Variants in TTC39B observed in about 807,000 individuals in gnomAD.
The protein encoded by TTC39B is tetratricopeptide repeat domain 39B, also known as tetratricopeptide repeat protein 39B.
TTC39B carries 92 observed loss-of-function variants against 96.6 expected under a neutral mutation model. The observed-to-expected ratio is 0.95, with a 90% CI of 0.80 to 1.13. TTC39B has a LOEUF of 1.13. TTC39B is among the 50% of genes most tolerant of loss of function. TTC39B has a pLI of 0.00. For missense variants in TTC39B, 955 were observed against 809.3 expected, an observed-to-expected ratio of 1.18 and a Z score of -2.18; for synonymous variants, 367 against 299.4, an observed-to-expected ratio of 1.23 and a Z score of -2.33.
At chr9:15,227,123 A>G (rs994386230) in intron 2 of TTC39B, among the ~76,000 whole-genome samples, 2 of 152,142 alleles carry the variant, frequency 1.3e-5, no homozygotes, top group African/African-American at 4.8e-5. Context: ...CCTGGCCAAC[A>G]TGGTGAAACT....
At chr9:15,229,376 AG>A (rs1248852209) in intron 2 of TTC39B, among the ~76,000 whole-genome samples, 1 of 152,182 alleles carries the variant, frequency 6.6e-6, no homozygotes, top group Non-Finnish European at 1.5e-5. Flanking sequence ...TTCCCTAGGG[AG>A]TATATATCTT....
intron 3 of TTC39B, among the ~76,000 whole-genome samples, chr9:15,221,973 C>CT (rs1291037883): frequency 6.6e-6 from 1 of 152,190 alleles, no homozygotes. Context: ...GGTAACTACT[C>CT]TGGTTAAGCA....
intron 2 of TTC39B, chr9:15,249,969 G>A: frequency 1.6e-6 from 2 of 1,288,142 alleles, no homozygotes; most frequent in African/African-American, 1.5e-5. Flanking sequence ...CCACTATGAA[G>A]ATGTCTTTCC....
intron 1 of TTC39B, among the ~76,000 whole-genome samples, chr9:15,300,327 C>A (rs1369200920): frequency 6.6e-6 from 1 of 152,136 alleles, no homozygotes; most frequent in Admixed American, 6.5e-5. Flanking sequence ...TACTCAATGG[C>A]TCCTCCCTCA....
intron 18 of TTC39B, among the ~76,000 whole-genome samples, chr9:15,175,396 A>C (rs145569703): frequency 6.6e-6 from 1 of 152,294 alleles, no homozygotes; most frequent in Admixed American, 6.5e-5. Context: ...GCGCATACGG[A>C]TCTTTAAAGA....
intron 2 of TTC39B, among the ~76,000 whole-genome samples, chr9:15,245,163 A>G (rs1325611796): frequency 2.0e-5 from 3 of 152,208 alleles, no homozygotes; most frequent in Non-Finnish European, 4.4e-5. Flanking sequence ...TTCCTGATGC[A>G]ATTAGCCCCT....
chr9:15,184,299 C>T (rs999108892), intron 16 of TTC39B, among the ~76,000 whole-genome samples: 1 of 151,556 alleles, frequency 6.6e-6, no homozygotes, highest in African/African-American at 2.4e-5. Context: ...TTTTAAAAAA[C>T]CTTTCACAGA....
chr9:15,214,019 A>T, intron 4 of TTC39B, 120 bp downstream of exon 4: 1 of 686,700 alleles, frequency 1.5e-6, no homozygotes, highest in Non-Finnish European at 2.4e-6. Context: ...AAGAGGTCTG[A>T]ACTAAATTAG....
At chr9:15,268,827 C>A (rs573861151) in intron 1 of TTC39B, among the ~76,000 whole-genome samples, 4 of 152,308 alleles carry the variant, frequency 2.6e-5, no homozygotes, top group Admixed American at 2.0e-4. Flanking sequence ...CAATATCATT[C>A]TTTTACTTCA....
chr9:15,186,765 G>T (rs933882161), intron 15 of TTC39B, 179 bp downstream of exon 15: 1 of 571,570 alleles, frequency 1.7e-6, no homozygotes. Context: ...CATTATTTCA[G>T]CTCACTTGCA....
At chr9:15,293,860 C>T (rs1451347902) in intron 1 of TTC39B, among the ~76,000 whole-genome samples, 1 of 152,172 alleles carries the variant, frequency 6.6e-6, no homozygotes, top group African/African-American at 2.4e-5. Context: ...CGGTTGGAAC[C>T]GTGTTCAAAT....
Position 15,182,302 on chromosome 9 carries a change from C to G in TTC39B, c.1723+5G>C. 1 of 1,597,440 alleles carries G rather than the reference C, an allele frequency of 6.3e-7. No individual in the cohort carries two copies. Among genetic ancestry groups the G allele is most frequent in the South Asian group, 1.1e-5 (1 of 89,230 alleles). ...GGCTCCTCGGTGCTTACTGTGTATA[C>G]TTACTTTGACTTTGTAAAGCTGCCT... On this transcript the variant is annotated splice_donor_5th_base_variant and intron_variant, in intron 17 of 19. Coordinates refer to ENST00000512701, the Ensembl canonical transcript of TTC39B.
At chr9:15,295,603 C>T (rs913854414) in intron 1 of TTC39B, among the ~76,000 whole-genome samples, 1 of 152,158 alleles carries the variant, frequency 6.6e-6, no homozygotes, top group African/African-American at 2.4e-5. Flanking sequence ...TTCATTAAAT[C>T]CATAGATAAT....
chr9:15,280,523 C>G (rs1348262258), intron 1 of TTC39B, among the ~76,000 whole-genome samples: 3 of 152,182 alleles, frequency 2.0e-5, no homozygotes, highest in Non-Finnish European at 2.9e-5. Flanking sequence ...GATTTAAATT[C>G]AAGGGAGAAA....
intron 6 of TTC39B, among the ~76,000 whole-genome samples, chr9:15,209,106 C>T (rs572267079): frequency 6.6e-6 from 1 of 152,084 alleles, no homozygotes; most frequent in South Asian, 2.1e-4. Flanking sequence ...GCAATACAGG[C>T]ACAGATTCTC....
Position 15,183,008 on chromosome 9 carries a change from T to A in TTC39B, c.1615-593A>T, listed in dbSNP as rs144805869. 2.0e-4 allele frequency among the ~76,000 whole-genome samples: 31 copies of A among 152,320 alleles called. No homozygotes were observed. The East Asian group carries it at 3.3e-3, about 16-fold the overall frequency. On this transcript the variant is annotated intron_variant, in intron 16 of 19. Transcript: ENST00000512701. The stretch of plus-strand genomic sequence containing the variant: ...AGATTATATTTAATGGGCTACCAGA[T>A]GAGAATTTTTTTGGATCAAAAGCAA...
chr9:15,291,953 T>C (rs1440756643), intron 1 of TTC39B, among the ~76,000 whole-genome samples: 1 of 152,230 alleles, frequency 6.6e-6, no homozygotes, highest in African/African-American at 2.4e-5. Flanking sequence ...ATCAATCAAA[T>C]GGGAATTCTA....
At chr9:15,262,966 G>C (rs951559191) in intron 2 of TTC39B, among the ~76,000 whole-genome samples, 1 of 152,204 alleles carries the variant, frequency 6.6e-6, no homozygotes, top group Non-Finnish European at 1.5e-5. Flanking sequence ...GAGGAAATGT[G>C]AGAAATATTG....
chr9:15,251,667 A>G (rs1447646782), intron 2 of TTC39B, among the ~76,000 whole-genome samples: 1 of 98,000 alleles, frequency 1.0e-5, no homozygotes, highest in Non-Finnish European at 2.0e-5. Flanking sequence ...ATATACGCGC[A>G]TACACACACA....
Sources: allele counts gnomAD v4.1 joint callset (sites outside exome capture counted in the v4.1 genomes callset), GRCh38; gene constraint gnomAD v4.1.1; transcripts MANE v1.5; gene names NCBI Gene and HGNC (gene_info 2026-07-23, HGNC 2026-07-21).